GALNTL6: variants seen among roughly 807,000 people sequenced by gnomAD.
The protein encoded by GALNTL6 is polypeptide N-acetylgalactosaminyltransferase-like 6.
GALNTL6 carries 46 observed loss-of-function variants against 73.7 expected under a neutral mutation model. That is an observed-to-expected ratio of 0.62 (90% CI 0.49 to 0.80). The LOEUF (loss-of-function observed/expected upper bound fraction) is 0.80. Among genes scored for constraint, GALNTL6 ranks in the 30% least tolerant of loss-of-function variants. The probability of loss-of-function intolerance (pLI) is 0.00; values close to 1 mark genes in which losing one functional copy is unlikely to be tolerated. For missense variants in GALNTL6, 604 were observed against 755.0 expected, an observed-to-expected ratio of 0.80 and a Z score of 2.34; for synonymous variants, 259 against 263.7, an observed-to-expected ratio of 0.98 and a Z score of 0.17.
At chr4:172,666,508 T>C (rs921221417) in intron 5 of GALNTL6, among the ~76,000 whole-genome samples, 1 of 152,102 alleles carries the variant, frequency 6.6e-6, no homozygotes, top group Non-Finnish European at 1.5e-5. Context: ...CAACCTTACA[T>C]ACACACACAA....
intron 9 of GALNTL6, among the ~76,000 whole-genome samples, chr4:172,950,566 C>T (rs1452173274): frequency 1.3e-5 from 2 of 152,134 alleles, no homozygotes; most frequent in African/African-American, 4.8e-5. Context: ...TGCTGGGAGA[C>T]ACTGAACACA....
intron 2 of GALNTL6, among the ~76,000 whole-genome samples, chr4:171,982,043 AACT>A (rs1463857561): frequency 1.3e-5 from 2 of 152,098 alleles, no homozygotes; most frequent in Non-Finnish European, 2.9e-5. Context: ...AAGGAGTGAA[AACT>A]ACTACTAATT....
intron 5 of GALNTL6, among the ~76,000 whole-genome samples, chr4:172,633,555 G>A (rs189026695): frequency 1.4e-3 from 206 of 152,234 alleles, no homozygotes; most frequent in Non-Finnish European, 2.3e-3. Context: ...GCTTATAGGT[G>A]GGAGGGACTT....
intron 2 of GALNTL6, among the ~76,000 whole-genome samples, chr4:172,140,951 T>A (rs1176369419): frequency 1.3e-5 from 2 of 152,062 alleles, no homozygotes; most frequent in African/African-American, 4.8e-5. Flanking sequence ...CCTAGCAACC[T>A]CCTGTTAATG....
At chr4:172,202,408 A>G (rs779764962) in intron 2 of GALNTL6, among the ~76,000 whole-genome samples, 1 of 152,226 alleles carries the variant, frequency 6.6e-6, no homozygotes, top group Non-Finnish European at 1.5e-5. Context: ...ATATCTCAAT[A>G]TGTTTATTAT....
intron 5 of GALNTL6, among the ~76,000 whole-genome samples, chr4:172,593,083 AG>A (rs1368890817): frequency 6.6e-6 from 1 of 152,090 alleles, no homozygotes; most frequent in Non-Finnish European, 1.5e-5. Flanking sequence ...CACCACCCAC[AG>A]GCTGTTTATA....
Position 172,410,407 on chromosome 4 carries a change from C to T in GALNTL6, c.553+61718C>T, listed in dbSNP as rs568780894. ...ATAAATTTAGGGAATACAACAGGCT[C>T]ATAATCTTGGTTATTGCTCCGAAAA... On this transcript the variant is annotated intron_variant, in intron 5 of 12. Coordinates refer to ENST00000506823, the MANE Select transcript of GALNTL6 (RefSeq NM_001034845.3). 4.3e-4 allele frequency among the ~76,000 whole-genome samples: 66 copies of T among 152,110 alleles called. 1 individual carries two copies. The highest frequency in any genetic ancestry group is 1.4e-3 in the African/African-American group (58 of 41,514).
intron 5 of GALNTL6, among the ~76,000 whole-genome samples, chr4:172,528,860 A>G (rs1003264716): frequency 7.5e-5 from 11 of 146,036 alleles, no homozygotes; most frequent in African/African-American, 2.5e-4. Flanking sequence ...CATACATTAT[A>G]TTTTTCATCA....
At chr4:172,701,550 A>G (rs542223273) in intron 5 of GALNTL6, among the ~76,000 whole-genome samples, 6 of 152,192 alleles carry the variant, frequency 3.9e-5, no homozygotes, top group African/African-American at 1.2e-4. Context: ...AATCCTAAGA[A>G]AGAAACTCTG....
At chr4:171,988,015 G>A (rs907729800) in intron 2 of GALNTL6, among the ~76,000 whole-genome samples, 9 of 152,172 alleles carry the variant, frequency 5.9e-5, no homozygotes, top group Non-Finnish European at 7.3e-5. Flanking sequence ...CAGGTATGAG[G>A]AAGAAAATAG....
chr4:172,191,604 C>G (rs1735589675), intron 2 of GALNTL6, among the ~76,000 whole-genome samples: 1 of 152,178 alleles, frequency 6.6e-6, no homozygotes, highest in Non-Finnish European at 1.5e-5. Flanking sequence ...GACTTAATGT[C>G]CCCAAATATA....
At chr4:172,242,785 G>T (rs1560986556) in intron 3 of GALNTL6, among the ~76,000 whole-genome samples, 1 of 152,174 alleles carries the variant, frequency 6.6e-6, no homozygotes, top group Non-Finnish European at 1.5e-5. Context: ...AATAACTATA[G>T]TGGTTCTTGA....
intron 5 of GALNTL6, among the ~76,000 whole-genome samples, chr4:172,463,434 G>A (rs373736710): frequency 6.6e-6 from 1 of 151,806 alleles, no homozygotes; most frequent in Non-Finnish European, 1.5e-5. Flanking sequence ...TGCCTATATC[G>A]GTATGTAGCC....
intron 3 of GALNTL6, among the ~76,000 whole-genome samples, chr4:172,303,338 C>T (rs1466372971): frequency 6.6e-6 from 1 of 152,126 alleles, no homozygotes; most frequent in Non-Finnish European, 1.5e-5. Flanking sequence ...ACTTACTACA[C>T]TTCACTCTGA....
intron 5 of GALNTL6, among the ~76,000 whole-genome samples, chr4:172,393,321 A>G (rs1200478476): frequency 1.3e-5 from 2 of 152,160 alleles, no homozygotes; most frequent in African/African-American, 4.8e-5. Context: ...ACCCCTCCAC[A>G]TATCTGTCCC....
At chr4:172,405,691 C>T (rs940781779) in intron 5 of GALNTL6, among the ~76,000 whole-genome samples, 5 of 151,776 alleles carry the variant, frequency 3.3e-5, no homozygotes, top group Admixed American at 1.3e-4. Context: ...GGTCTTAAGA[C>T]GGCCCTTATG....
intron 2 of GALNTL6, among the ~76,000 whole-genome samples, chr4:172,007,232 A>T (rs1217103550): frequency 2.0e-5 from 3 of 152,108 alleles, no homozygotes; most frequent in African/African-American, 7.2e-5. Flanking sequence ...TATCTTTATA[A>T]TATTCATGTA....
At chr4:171,991,909 T>G (rs116044670) in intron 2 of GALNTL6, among the ~76,000 whole-genome samples, 3,462 of 151,766 alleles carry the variant, frequency 0.023, 133 homozygotes, top group African/African-American at 0.079. Context: ...TGTGTAATTG[T>G]CAAATAAAAA....
intron 2 of GALNTL6, among the ~76,000 whole-genome samples, chr4:171,859,687 T>A (rs930687301): frequency 6.6e-6 from 1 of 152,232 alleles, no homozygotes; most frequent in Non-Finnish European, 1.5e-5. Flanking sequence ...CCAGCAATGT[T>A]ATGTGACAGC....
Sources: allele counts gnomAD v4.1 joint callset (sites outside exome capture counted in the v4.1 genomes callset), GRCh38; gene constraint gnomAD v4.1.1; transcripts MANE v1.5; gene names NCBI Gene and HGNC (gene_info 2026-07-23, HGNC 2026-07-21).